Variants in PDZRN3 observed in about 807,000 individuals in gnomAD.
PDZRN3 encodes the protein E3 ubiquitin-protein ligase PDZRN3.
In PDZRN3, 38 loss-of-function variants were observed where a neutral mutation model predicts 85.7. The ratio of observed to expected loss-of-function variants is 0.44; its 90% CI spans 0.34 to 0.58. The LOEUF (loss-of-function observed/expected upper bound fraction) is 0.58. Ranked by LOEUF, PDZRN3 falls within the 20% of genes least tolerant of loss-of-function variation. PDZRN3 has a pLI of 0.01. For missense variants in PDZRN3, 1,629 were observed against 1,506.4 expected, an observed-to-expected ratio of 1.08 and a Z score of -1.35; for synonymous variants, 759 against 638.0, an observed-to-expected ratio of 1.19 and a Z score of -2.86.
intron 3 of PDZRN3, among the ~76,000 whole-genome samples, chr3:73,579,702 A>T (rs1203292371): frequency 6.6e-6 from 1 of 152,094 alleles, no homozygotes; most frequent in Non-Finnish European, 1.5e-5. Context: ...ACTCTGAGAG[A>T]AGTAAGAAGC....
Position 73,384,417 on chromosome 3 carries a change from C to G in PDZRN3, c.2149G>C (p.Glu717Gln). 6.2e-7 allele frequency: 1 copy of G among 1,610,456 alleles called. No homozygotes were observed. Among genetic ancestry groups the G allele is most frequent in the South Asian group, 1.1e-5 (1 of 91,086 alleles). Residue 717 changes from glutamate to glutamine, a missense_variant, in exon 10 of 10, where the codon GAG becomes CAG. Coordinates refer to ENST00000263666, the MANE Select transcript of PDZRN3 (RefSeq NM_015009.3). The stretch of plus-strand genomic sequence containing the variant: ...CCGCTGTTGTGCAGCATCCAGGACT[C>G]GCGGTACTGCTCCTTGAGCTGCTGC... ...KMQQLKEQYR[E>Q]SWMLHNSGFR...
At chr3:73,486,266 T>A (rs1703659165) in intron 3 of PDZRN3, among the ~76,000 whole-genome samples, 1 of 152,160 alleles carries the variant, frequency 6.6e-6, no homozygotes, top group Non-Finnish European at 1.5e-5. Context: ...AACTCCAAGT[T>A]CTATGGCCTG....
At chr3:73,513,394 G>A (rs1365278131) in intron 3 of PDZRN3, among the ~76,000 whole-genome samples, 1 of 152,124 alleles carries the variant, frequency 6.6e-6, no homozygotes, top group East Asian at 1.9e-4. Flanking sequence ...GAGGCTCTTC[G>A]GAACCATAAA....
At chr3:73,599,305 G>A (rs1395202037) in intron 3 of PDZRN3, among the ~76,000 whole-genome samples, 3 of 152,170 alleles carry the variant, frequency 2.0e-5, no homozygotes, top group East Asian at 1.9e-4. Flanking sequence ...CAACATGTAC[G>A]AACCTTGAGG....
intron 4 of PDZRN3, 82 bp downstream of exon 4, chr3:73,404,066 T>C: frequency 1.4e-6 from 2 of 1,391,114 alleles, no homozygotes; most frequent in Non-Finnish European, 9.8e-7. Flanking sequence ...GGTGCATTAA[T>C]TTTTTTCACC....
chr3:73,615,503 G>T (rs1272513203), intron 1 of PDZRN3, among the ~76,000 whole-genome samples: 1 of 152,156 alleles, frequency 6.6e-6, no homozygotes, highest in Non-Finnish European at 1.5e-5. Context: ...GGTATTAGCA[G>T]GTGGGGCCTT....
intron 3 of PDZRN3, among the ~76,000 whole-genome samples, chr3:73,602,005 C>G (rs1702522108): frequency 6.6e-6 from 1 of 152,260 alleles, no homozygotes; most frequent in South Asian, 2.1e-4. Flanking sequence ...TCAATATGAA[C>G]AGGGTGCACA....
chr3:73,535,775 C>T (rs1704769696), intron 3 of PDZRN3, among the ~76,000 whole-genome samples: 2 of 151,740 alleles, frequency 1.3e-5, no homozygotes, highest in Non-Finnish European at 2.9e-5. Context: ...AAATCTCGCC[C>T]ATAATGTACA....
intron 5 of PDZRN3, among the ~76,000 whole-genome samples, chr3:73,394,941 A>T (rs6803722): frequency 0.44 from 67,055 of 152,092 alleles, 15,224 homozygotes; most frequent in East Asian, 0.72. Context: ...AGATTACAGT[A>T]AGGCAATAGT....
intron 3 of PDZRN3, among the ~76,000 whole-genome samples, chr3:73,445,118 C>A (rs1362466346): frequency 6.6e-6 from 1 of 152,224 alleles, no homozygotes; most frequent in Non-Finnish European, 1.5e-5. Context: ...GAATTCAGAA[C>A]TGGGAATCTC....
intron 3 of PDZRN3, among the ~76,000 whole-genome samples, chr3:73,525,084 C>T (rs1042291103): frequency 6.6e-6 from 1 of 150,464 alleles, no homozygotes; most frequent in Non-Finnish European, 1.5e-5. Context: ...CCTTCTATGC[C>T]AGAGTCAAAA....
At chr3:73,481,073 T>C (rs1703551605) in intron 3 of PDZRN3, among the ~76,000 whole-genome samples, 1 of 152,162 alleles carries the variant, frequency 6.6e-6, no homozygotes, top group Non-Finnish European at 1.5e-5. Context: ...AATGGCAGAG[T>C]TGCAATGTGG....
At position 73,562,465 on chromosome 3, in the gene PDZRN3, C is replaced by G. The variant is rs138787151; in HGVS notation, c.918+39889G>C. ...CCAGATTCCCTTTAAAAGAATAAAA[C>G]AAAAAAGTCTCCATTCCCTGTAAAC... On this transcript the variant is annotated intron_variant, in intron 3 of 9. Coordinates refer to ENST00000263666, the MANE Select transcript of PDZRN3 (RefSeq NM_015009.3). Among the ~76,000 whole-genome samples, 5 of 152,088 alleles carry G rather than the reference C, an allele frequency of 3.3e-5. No individual in the cohort carries two copies. The East Asian group carries it at 9.7e-4, about 29-fold the overall frequency.
chr3:73,552,345 C>T (rs575189235), intron 3 of PDZRN3, among the ~76,000 whole-genome samples: 56 of 152,088 alleles, frequency 3.7e-4, no homozygotes, highest in Middle Eastern at 3.4e-3. Context: ...TTTCTCACCA[C>T]TCAAAACTTT....
intron 3 of PDZRN3, among the ~76,000 whole-genome samples, chr3:73,584,148 A>G (rs899001148): frequency 3.6e-4 from 51 of 141,974 alleles, no homozygotes; most frequent in African/African-American, 1.5e-3. Context: ...AAAAAAGAGG[A>G]AAAAAAAAGC....
At chr3:73,445,443 A>AAAAAC (rs201285971) in intron 3 of PDZRN3, among the ~76,000 whole-genome samples, 3,632 of 152,214 alleles carry the variant, frequency 0.024, 129 homozygotes, top group African/African-American at 0.079. Flanking sequence ...GACACTTGAG[A>AAAAAC]AAAACAAAAC....
At chr3:73,424,791 C>G (rs1271915973) in intron 3 of PDZRN3, among the ~76,000 whole-genome samples, 1 of 152,100 alleles carries the variant, frequency 6.6e-6, no homozygotes, top group African/African-American at 2.4e-5. Flanking sequence ...ATATACTTAA[C>G]TTCATAGTCA....
intron 3 of PDZRN3, among the ~76,000 whole-genome samples, chr3:73,570,404 A>G (rs1185723384): frequency 6.6e-6 from 1 of 152,244 alleles, no homozygotes; most frequent in Admixed American, 6.5e-5. Context: ...CTGGCCAAAA[A>G]GTAAAGGCTG....
Position 73,608,642 on chromosome 3 carries a change from A to C in PDZRN3, c.766T>G (p.Ser256Ala). ...KSLTLVLHRDSGSLGFNIIGG... is the reference protein window; with the variant it reads ...KSLTLVLHRDAGSLGFNIIGG... ...ATAATATTGAATCCCAGGGAGCCGG[A>C]GTCCCGATGCAGGACAAGAGTCAGA... Residue 256 changes from serine (S) to alanine (A), a missense_variant, in exon 2 of 10, where the codon TCC (serine) becomes GCC (alanine). Ser to Ala is a moderately conservative substitution (Grantham distance 99, BLOSUM62 1). Transcript: ENST00000263666. The C allele has an allele frequency of 6.2e-7, 1 of 1,613,134 alleles. No individual in the cohort carries two copies. The highest frequency in any genetic ancestry group is 2.2e-5 in the East Asian group (1 of 44,850).
Sources: gnomAD v4.1 joint callset for allele counts (sites outside exome capture counted in the v4.1 genomes callset) on GRCh38, gnomAD v4.1.1 for gene constraint, MANE v1.5 for transcripts, NCBI Gene and HGNC (gene_info 2026-07-23, HGNC 2026-07-21) for gene names.